The following THSD7B variants were observed in gnomAD, a reference collection of about 807,000 sequenced individuals.
THSD7B encodes thrombospondin type-1 domain-containing protein 7B.
Under a neutral mutation model 213.6 loss-of-function variants are expected in THSD7B, and 138 were observed. The ratio of observed to expected loss-of-function variants is 0.65; its 90% CI spans 0.56 to 0.74. The LOEUF is 0.74. Among genes scored for constraint, THSD7B ranks in the 30% least tolerant of loss-of-function variants. THSD7B has a pLI of 0.00. For synonymous variants in THSD7B, 742 were observed against 687.0 expected, an observed-to-expected ratio of 1.08 and a Z score of -1.25; for missense variants, 1,931 against 1,991.5, an observed-to-expected ratio of 0.97 and a Z score of 0.58.
At chr2:136,925,469 T>C (rs897080423) in intron 2 of THSD7B, among the ~76,000 whole-genome samples, 1 of 152,222 alleles carries the variant, frequency 6.6e-6, no homozygotes, top group Non-Finnish European at 1.5e-5. Flanking sequence ...TGTGGTCTAT[T>C]ACATTGATTG....
At chr2:136,856,028 A>G (rs1029888471) in intron 1 of THSD7B, among the ~76,000 whole-genome samples, 1 of 152,148 alleles carries the variant, frequency 6.6e-6, no homozygotes, top group African/African-American at 2.4e-5. Flanking sequence ...TACTCCCATA[A>G]GCACTTTCTA....
chr2:137,083,592 T>C lies in THSD7B; in HGVS notation c.951-11281T>C, dbSNP rs564158176. Among the ~76,000 whole-genome samples the C allele has an allele frequency of 2.6e-4, 39 of 152,292 alleles. 1 individual carries two copies. Among genetic ancestry groups the C allele is most frequent in the African/African-American group, 9.1e-4 (38 of 41,590 alleles). On this transcript the variant is annotated intron_variant, in intron 3 of 27. Coordinates refer to ENST00000409968, the MANE Select transcript of THSD7B (RefSeq NM_001316349.2). ...AGTTTGCCTAGTGGCAGAAAAATGCTACCAGTTTAGAGTCAAAATCATTAA... is the reference window on the plus strand; with the variant it reads ...AGTTTGCCTAGTGGCAGAAAAATGCCACCAGTTTAGAGTCAAAATCATTAA...
intron 20 of THSD7B, among the ~76,000 whole-genome samples, chr2:137,636,289 G>A (rs1275177653): frequency 6.6e-6 from 1 of 152,122 alleles, no homozygotes; most frequent in African/African-American, 2.4e-5. Flanking sequence ...CTACAAAGGG[G>A]ATACAATATG....
intron 12 of THSD7B, among the ~76,000 whole-genome samples, chr2:137,402,830 A>T (rs951396725): frequency 4.1e-4 from 63 of 152,044 alleles, no homozygotes; most frequent in African/African-American, 1.5e-3. Flanking sequence ...AAAAAAAAAA[A>T]AAAAGGTTTG....
chr2:137,512,218 T>C (rs1221168872), intron 15 of THSD7B: 1 of 152,092 alleles, frequency 6.6e-6, no homozygotes, highest in African/African-American at 2.4e-5. Context: ...ATAGAGCAAT[T>C]TTAAACTTGC....
Position 137,131,661 on chromosome 2 carries a change from G to A in THSD7B, c.1369+16368G>A, listed in dbSNP as rs184385744. On this transcript the variant is annotated intron_variant, in intron 5 of 27. Transcript: ENST00000409968. ...AATCCTTTCCCCATTGCTTGTTTTT[G>A]TCAGATTTGTCAAATATCAGATAGT... Among the ~76,000 whole-genome samples the A allele has an allele frequency of 4.1e-4, 62 of 152,244 alleles. 1 individual carries two copies. In the East Asian group the frequency reaches 8.7e-3, roughly 21 times the overall value.
chr2:137,374,894 C>T (rs1442239644), intron 12 of THSD7B, among the ~76,000 whole-genome samples: 1 of 152,158 alleles, frequency 6.6e-6, no homozygotes, highest in Non-Finnish European at 1.5e-5. Context: ...ATGCAGCTAT[C>T]ACAGGTAAAG....
At chr2:137,158,543 C>G (rs1679951495) in intron 5 of THSD7B, among the ~76,000 whole-genome samples, 1 of 152,180 alleles carries the variant, frequency 6.6e-6, no homozygotes, top group African/African-American at 2.4e-5. Flanking sequence ...GAATTAATTG[C>G]AAATAAAACA....
At chr2:137,416,240 C>T (rs1028443524) in intron 14 of THSD7B, among the ~76,000 whole-genome samples, 10 of 152,230 alleles carry the variant, frequency 6.6e-5, no homozygotes, top group East Asian at 1.9e-4. Context: ...CATACTGACA[C>T]GAAAATGTGT....
chr2:137,240,916 TA>T (rs967709654), intron 9 of THSD7B, among the ~76,000 whole-genome samples: 2 of 152,214 alleles, frequency 1.3e-5, no homozygotes, highest in African/African-American at 2.4e-5. Flanking sequence ...TTCAATTCTG[TA>T]ATAGTTAAGT....
At chr2:137,059,283 A>T (rs1232366993) in intron 3 of THSD7B, among the ~76,000 whole-genome samples, 1 of 152,130 alleles carries the variant, frequency 6.6e-6, no homozygotes, top group African/African-American at 2.4e-5. Flanking sequence ...TTCAAAATGG[A>T]GGTTAGAGTT....
intron 2 of THSD7B, among the ~76,000 whole-genome samples, chr2:137,018,202 C>T (rs1686378312): frequency 6.6e-6 from 1 of 151,736 alleles, no homozygotes; most frequent in East Asian, 1.9e-4. Flanking sequence ...ATTGTTAAAT[C>T]CAAAAATGAC....
intron 1 of THSD7B, among the ~76,000 whole-genome samples, chr2:136,795,626 G>T (rs958939199): frequency 6.6e-6 from 1 of 151,676 alleles, no homozygotes; most frequent in African/African-American, 2.4e-5. Flanking sequence ...CTTTTAATTT[G>T]ACTATTCATC....
chr2:137,506,456 A>C (rs753995638), intron 15 of THSD7B, among the ~76,000 whole-genome samples: 1 of 152,212 alleles, frequency 6.6e-6, no homozygotes, highest in Non-Finnish European at 1.5e-5. Flanking sequence ...ATTCTATGCT[A>C]ATGGAAACCA....
intron 7 of THSD7B, among the ~76,000 whole-genome samples, chr2:137,224,619 A>G (rs1197693782): frequency 6.6e-6 from 1 of 152,218 alleles, no homozygotes; most frequent in Non-Finnish European, 1.5e-5. Flanking sequence ...AGGACATAAC[A>G]GTATGTTTCT....
intron 12 of THSD7B, among the ~76,000 whole-genome samples, chr2:137,395,179 G>C (rs571691535): frequency 6.9e-6 from 1 of 145,160 alleles, no homozygotes; most frequent in East Asian, 2.0e-4. Context: ...AATTGCCCTG[G>C]CTAGAACTTC....
intron 5 of THSD7B, among the ~76,000 whole-genome samples, chr2:137,138,333 T>C (rs1679510733): frequency 6.6e-6 from 1 of 152,154 alleles, no homozygotes; most frequent in Non-Finnish European, 1.5e-5. Context: ...TGTACCACTT[T>C]ATGCACCTGC....
chr2:136,967,070 C>A (rs1475318115), intron 2 of THSD7B, among the ~76,000 whole-genome samples: 1 of 152,100 alleles, frequency 6.6e-6, no homozygotes, highest in Non-Finnish European at 1.5e-5. Flanking sequence ...AATGCTGTTT[C>A]TATTTTACTG....
intron 1 of THSD7B, among the ~76,000 whole-genome samples, chr2:136,874,654 A>G (rs1450879248): frequency 6.6e-6 from 1 of 152,254 alleles, no homozygotes; most frequent in Non-Finnish European, 1.5e-5. Context: ...ATGCGTATGA[A>G]GTGTGAGGCA....
Sources: allele counts gnomAD v4.1 joint callset (sites outside exome capture counted in the v4.1 genomes callset), GRCh38; gene constraint gnomAD v4.1.1; transcripts MANE v1.5; gene names NCBI Gene and HGNC (gene_info 2026-07-23, HGNC 2026-07-21).